The following OCA2 variants were observed in gnomAD, a reference collection of about 807,000 sequenced individuals.
OCA2 encodes the protein OCA2 melanosomal transmembrane protein, also known as P protein.
OCA2 carries 77 observed loss-of-function variants against 100.2 expected under a neutral mutation model. The ratio of observed to expected loss-of-function variants is 0.77; its 90% CI spans 0.64 to 0.93. The LOEUF is 0.93. Among genes scored for constraint, OCA2 ranks in the 40% least tolerant of loss-of-function variants. The pLI is 0.00. For synonymous variants in OCA2, 432 were observed against 439.2 expected (o/e 0.98, Z 0.21); for missense variants, 1,062 against 1,089.1 (o/e 0.98, Z 0.35).
chr15:28,056,842 G>C (rs1045258912), intron 2 of OCA2, among the ~76,000 whole-genome samples: 1 of 152,228 alleles, frequency 6.6e-6, no homozygotes, highest in Non-Finnish European at 1.5e-5. Flanking sequence ...TGAGTACCAC[G>C]ATGCTGAGTG....
chr15:27,996,933 A>C (rs548506622), intron 9 of OCA2, among the ~76,000 whole-genome samples: 5 of 151,996 alleles, frequency 3.3e-5, no homozygotes, highest in South Asian at 2.1e-4. Context: ...ACACTTCGAA[A>C]CTTGTTTTAT....
the OCA2 span, among the ~76,000 whole-genome samples, chr15:27,743,985 G>C: frequency 6.6e-6 from 1 of 152,092 alleles, no homozygotes; most frequent in Non-Finnish European, 1.5e-5. Context: ...TATCCCCCCA[G>C]GAAACCTCTC....
At chr15:27,953,677 G>C (rs2040113644) in intron 17 of OCA2, among the ~76,000 whole-genome samples, 1 of 152,134 alleles carries the variant, frequency 6.6e-6, no homozygotes, top group South Asian at 2.1e-4. Flanking sequence ...TCATGGAAGT[G>C]GAGGTTTTTT....
chr15:27,752,092 C>T (rs80237933), downstream of OCA2, among the ~76,000 whole-genome samples: 29 of 152,314 alleles, frequency 1.9e-4, no homozygotes, highest in East Asian at 3.9e-3. Flanking sequence ...ACGTTGCCTG[C>T]GTGGGGCCGT....
chr15:27,730,602 A>G, the OCA2 span, among the ~76,000 whole-genome samples: 1 of 151,852 alleles, frequency 6.6e-6, no homozygotes, highest in Non-Finnish European at 1.5e-5. Context: ...GCTGGCAGCC[A>G]GCCTCCATCC....
At chr15:27,849,474 G>T (rs981125960) in intron 22 of OCA2, among the ~76,000 whole-genome samples, 1 of 151,684 alleles carries the variant, frequency 6.6e-6, no homozygotes, top group African/African-American at 2.4e-5. Context: ...TTTTCTGAAG[G>T]CTTATTTGAA....
intron 19 of OCA2, among the ~76,000 whole-genome samples, chr15:27,876,265 T>C (rs924393102): frequency 6.6e-6 from 1 of 152,096 alleles, no homozygotes; most frequent in Admixed American, 6.5e-5. Context: ...TGGAAAATTA[T>C]ACTAATTATT....
rs542877224 is a variant in OCA2 at position 28,085,087 on chromosome 15, C to T, written c.-21-3192G>A. Among the ~76,000 whole-genome samples, 6 of 152,290 alleles carry T rather than the reference C, an allele frequency of 3.9e-5. No homozygotes were observed. In the South Asian group the frequency reaches 1.2e-3, roughly 32 times the overall value. On this transcript the variant is annotated intron_variant, in intron 1 of 23. Coordinates refer to ENST00000354638, the MANE Select transcript of OCA2 (RefSeq NM_000275.3). The stretch of plus-strand genomic sequence containing the variant: ...CTGCCACCTGTGGCCAAATCCCAAC[C>T]CTGCTCAGCAGCTGAACATGGCTGT...
At chr15:27,887,615 C>CTTTTTTTTTTTTTTTT (rs1567063598) in intron 19 of OCA2, among the ~76,000 whole-genome samples, 1 of 95,242 alleles carries the variant, frequency 1.0e-5, no homozygotes, top group African/African-American at 5.1e-5. Flanking sequence ...TCCACTAAAC[C>CTTTTTTTTTTTTTTTT]TCTTTTTTTT....
intron 19 of OCA2, among the ~76,000 whole-genome samples, chr15:27,916,017 A>G (rs996583642): frequency 2.0e-5 from 3 of 152,222 alleles, no homozygotes; most frequent in Non-Finnish European, 4.4e-5. Context: ...AGCCATAAAA[A>G]AGAATGAAAT....
At chr15:27,952,160 G>A (rs565955244) in intron 17 of OCA2, among the ~76,000 whole-genome samples, 21 of 152,338 alleles carry the variant, frequency 1.4e-4, no homozygotes, top group Middle Eastern at 3.4e-3. Context: ...AGGTATCAGA[G>A]GATGACGGGG....
At chr15:27,776,621 C>G (rs1020910586) in intron 23 of OCA2, 1 of 152,304 alleles carries the variant, frequency 6.6e-6, no homozygotes, top group Non-Finnish European at 1.5e-5. Flanking sequence ...AGGCACCTGT[C>G]CTCTGAGGCC....
chr15:27,993,685 G>A (rs1309311687), intron 9 of OCA2, among the ~76,000 whole-genome samples: 1 of 151,622 alleles, frequency 6.6e-6, no homozygotes, highest in Non-Finnish European at 1.5e-5. Flanking sequence ...CCCCTCCCTC[G>A]TCACACACAC....
At chr15:27,891,056 G>T (rs1225715565) in intron 19 of OCA2, among the ~76,000 whole-genome samples, 1 of 151,196 alleles carries the variant, frequency 6.6e-6, no homozygotes. Context: ...TGGAGCATCA[G>T]GAAGCAAAAG....
rs372620701 is a variant in OCA2, at chr15:28,024,906, C to T, written c.516-4G>A. On this transcript the variant is annotated splice_region_variant and splice_polypyrimidine_tract_variant and intron_variant, in intron 4 of 23. Transcript: ENST00000354638. ...TTTCAGCCACTGCACACAGCGCCTG[C>T]AAGAGAAAAAGTAGGGCCTTAGTGG... 1.1e-5 allele frequency: 18 copies of T among 1,614,054 alleles called. No homozygotes were observed. The highest frequency in any genetic ancestry group is 1.7e-5 in the Admixed American group (1 of 60,008).
In OCA2 at chr15:28,022,591, G is replaced by T; in HGVS notation, c.574-18C>A. 6.3e-7 allele frequency: 1 copy of T among 1,593,834 alleles called. No individual in the cohort carries two copies. Among genetic ancestry groups the T allele is most frequent in the Non-Finnish European group, 8.6e-7 (1 of 1,161,656 alleles). On this transcript the variant is annotated intron_variant, in intron 5 of 23. Coordinates refer to ENST00000354638, the MANE Select transcript of OCA2 (RefSeq NM_000275.3). ...AACAAAATCTGTAACAATCAGAAAC[G>T]TTGAATGACAGAGGTGTGGTATGAG...
chr15:28,028,012 TC>T lies in OCA2; in HGVS notation c.373del (p.Glu125SerfsTer16). The T allele has an allele frequency of 6.2e-7, 1 of 1,614,188 alleles. No homozygotes were observed. The highest frequency in any genetic ancestry group is 8.5e-7 in the Non-Finnish European group (1 of 1,180,024). Reference sequence around the variant, plus strand: ...GTCAGCAGAGCTGTCTTCCCAAGACTCTTCAGCAGTGATGAACTCTGGATGG... The same window carrying T: ...GTCAGCAGAGCTGTCTTCCCAAGACTTTCAGCAGTGATGAACTCTGGATGG... ...VYHPEFITAE[E>X]SWEDSSADWE... On this transcript the variant is annotated frameshift_variant, in exon 4 of 24. Transcript: ENST00000354638. LOFTEE classifies it high-confidence loss of function.
At chr15:27,862,127 C>T (rs747263956) in intron 21 of OCA2, among the ~76,000 whole-genome samples, 44 of 152,024 alleles carry the variant, frequency 2.9e-4, no homozygotes, top group Admixed American at 7.2e-4. Flanking sequence ...AAAGCGTGAT[C>T]GTCAGCCTCA....
chr15:27,743,717 C>G, the OCA2 span, among the ~76,000 whole-genome samples: 1 of 152,200 alleles, frequency 6.6e-6, no homozygotes, highest in African/African-American at 2.4e-5. Context: ...ATCAAATATC[C>G]TTGCTCTTCA....
Sources: gnomAD v4.1 joint callset for allele counts (sites outside exome capture counted in the v4.1 genomes callset) on GRCh38, gnomAD v4.1.1 for gene constraint, MANE v1.5 for transcripts, NCBI Gene and HGNC (gene_info 2026-07-23, HGNC 2026-07-21) for gene names.